UBE2E2: variants seen among roughly 807,000 people sequenced by gnomAD.
UBE2E2 encodes the protein ubiquitin conjugating enzyme E2 E2.
UBE2E2 carries 6 observed loss-of-function variants against 24.7 expected under a neutral mutation model. That is an observed-to-expected ratio of 0.24 (90% confidence interval 0.13 to 0.48). UBE2E2 has a LOEUF of 0.48. UBE2E2 is among the 20% of genes least tolerant of loss of function. UBE2E2 has a pLI of 0.99. For synonymous variants in UBE2E2, 104 were observed against 83.6 expected, an observed-to-expected ratio of 1.24 and a Z score of -1.33; for missense variants, 169 against 245.0, an observed-to-expected ratio of 0.69 and a Z score of 2.07.
chr3:23,498,688 A>T (rs1019028852), intron 3 of UBE2E2, among the ~76,000 whole-genome samples: 1 of 152,184 alleles, frequency 6.6e-6, no homozygotes, highest in Non-Finnish European at 1.5e-5. Flanking sequence ...TCATTTAAAA[A>T]TACATTTTCT....
intron 3 of UBE2E2, among the ~76,000 whole-genome samples, chr3:23,350,119 C>A (rs574224354): frequency 6.6e-6 from 1 of 152,332 alleles, no homozygotes; most frequent in East Asian, 1.9e-4. Flanking sequence ...GATACCCAGG[C>A]AAACAGGGTC....
rs370877186 is a variant in UBE2E2 at position 23,377,401 on chromosome 3, T to G, written c.228-122207T>G. Among the ~76,000 whole-genome samples, 94 of 152,348 alleles carry G rather than the reference T, an allele frequency of 6.2e-4. 2 individuals carry two copies. The South Asian group carries it at 0.018, about 30-fold the overall frequency. ...TGATAGTGTTTATGGTACTAACTGG[T>G]GCCTGATCATTTTCACAATAAGGTT... On this transcript the variant is annotated intron_variant, in intron 3 of 5. Transcript: ENST00000396703.
At chr3:23,278,262 C>T (rs759215103) in intron 3 of UBE2E2, among the ~76,000 whole-genome samples, 2 of 151,796 alleles carry the variant, frequency 1.3e-5, no homozygotes, top group Non-Finnish European at 2.9e-5. Flanking sequence ...TTTCCTATTA[C>T]TTAAGATTTC....
chr3:23,324,340 C>G (rs1240438167), intron 3 of UBE2E2, among the ~76,000 whole-genome samples: 1 of 151,992 alleles, frequency 6.6e-6, no homozygotes, highest in Non-Finnish European at 1.5e-5. Context: ...AATAAAAATC[C>G]TAGCTAAACT....
chr3:23,524,831 A>G (rs553708371), intron 4 of UBE2E2, among the ~76,000 whole-genome samples: 5 of 150,546 alleles, frequency 3.3e-5, no homozygotes, highest in Non-Finnish European at 7.4e-5. Flanking sequence ...AAGTAATGAG[A>G]CAGCTGGGAG....
chr3:23,535,630 T>TTC (rs1695243162), intron 5 of UBE2E2, among the ~76,000 whole-genome samples: 1 of 143,396 alleles, frequency 7.0e-6, no homozygotes, highest in Non-Finnish European at 1.5e-5. Flanking sequence ...TTTTTTTTTT[T>TTC]TTTTTTTTTT....
At chr3:23,559,018 A>G (rs572466187) in intron 5 of UBE2E2, among the ~76,000 whole-genome samples, 1 of 152,340 alleles carries the variant, frequency 6.6e-6, no homozygotes, top group African/African-American at 2.4e-5. Flanking sequence ...CAAATAAGTC[A>G]CTGGAAAACT....
chr3:23,567,424 C>T (rs1181673014), intron 5 of UBE2E2, among the ~76,000 whole-genome samples: 4 of 152,126 alleles, frequency 2.6e-5, no homozygotes, highest in African/African-American at 4.8e-5. Flanking sequence ...CTACTGAATA[C>T]AGACTAAATG....
intron 4 of UBE2E2, among the ~76,000 whole-genome samples, chr3:23,527,850 C>A (rs1205585739): frequency 6.6e-6 from 1 of 151,980 alleles, no homozygotes; most frequent in Non-Finnish European, 1.5e-5. Context: ...TGGCTCGTAC[C>A]TTACCTTATG....
At chr3:23,549,546 T>A (rs1695596246) in intron 5 of UBE2E2, among the ~76,000 whole-genome samples, 2 of 152,178 alleles carry the variant, frequency 1.3e-5, no homozygotes, top group Admixed American at 1.3e-4. Context: ...CTTGGATAAA[T>A]CGGTGCCCTC....
intron 3 of UBE2E2, among the ~76,000 whole-genome samples, chr3:23,453,461 G>A (rs531989562): frequency 1.3e-4 from 20 of 152,068 alleles, no homozygotes; most frequent in Admixed American, 4.6e-4. Context: ...TATACCCAAA[G>A]TATTAACAAA....
intron 3 of UBE2E2, among the ~76,000 whole-genome samples, chr3:23,489,326 G>T (rs559900361): frequency 5.3e-5 from 8 of 152,110 alleles, no homozygotes; most frequent in Middle Eastern, 3.4e-3. Flanking sequence ...GCATCTAGGT[G>T]GTCCCATCTG....
intron 3 of UBE2E2, among the ~76,000 whole-genome samples, chr3:23,270,120 C>G (rs549230404): frequency 6.0e-5 from 9 of 148,880 alleles, no homozygotes; most frequent in East Asian, 4.0e-4. Context: ...GGGTCCTTGA[C>G]TGTGGTCAAG....
chr3:23,410,506 G>A (rs1241332404), intron 3 of UBE2E2, among the ~76,000 whole-genome samples: 2 of 152,116 alleles, frequency 1.3e-5, no homozygotes, highest in Non-Finnish European at 2.9e-5. Context: ...TTTTATGAAT[G>A]TTCTAATAAG....
At chr3:23,525,677 G>A (rs894155750) in intron 4 of UBE2E2, among the ~76,000 whole-genome samples, 2 of 152,176 alleles carry the variant, frequency 1.3e-5, no homozygotes, top group Non-Finnish European at 2.9e-5. Context: ...AGAACTCAGC[G>A]GGTATTAACC....
chr3:23,488,213 T>C (rs2125447342), intron 3 of UBE2E2, among the ~76,000 whole-genome samples: 1 of 152,178 alleles, frequency 6.6e-6, no homozygotes, highest in Admixed American at 6.5e-5. Flanking sequence ...TTTTTTTTTT[T>C]TTTAATTAGA....
intron 5 of UBE2E2, among the ~76,000 whole-genome samples, chr3:23,570,758 A>C (rs991429262): frequency 2.0e-5 from 3 of 152,192 alleles, no homozygotes; most frequent in Non-Finnish European, 2.9e-5. Flanking sequence ...AAGATGTCAG[A>C]GCTTGTTTTT....
At chr3:23,349,996 A>G (rs1408309375) in intron 3 of UBE2E2, among the ~76,000 whole-genome samples, 1 of 152,222 alleles carries the variant, frequency 6.6e-6, no homozygotes, top group African/African-American at 2.4e-5. Flanking sequence ...CAGTAGGGGC[A>G]CACTGACACC....
intron 3 of UBE2E2, among the ~76,000 whole-genome samples, chr3:23,282,740 A>G (rs190018947): frequency 6.6e-6 from 1 of 152,302 alleles, no homozygotes; most frequent in East Asian, 1.9e-4. Flanking sequence ...AAACCGGAGA[A>G]TATGAAGTAA....
Sources: allele counts gnomAD v4.1 joint callset (sites outside exome capture counted in the v4.1 genomes callset), GRCh38; gene constraint gnomAD v4.1.1; transcripts MANE v1.5; gene names NCBI Gene and HGNC (gene_info 2026-07-23, HGNC 2026-07-21).